Variants in NNMT observed in about 807,000 individuals in gnomAD.
The protein encoded by NNMT is nicotinamide N-methyltransferase.
In NNMT, 10 loss-of-function variants were observed where a neutral mutation model predicts 11.7. That is an observed-to-expected ratio of 0.85 (90% CI 0.53 to 1.45). The LOEUF is 1.45. NNMT is among the 40% of genes most tolerant of loss of function. NNMT has a pLI of 0.00. For synonymous variants in NNMT, 143 were observed against 133.8 expected (o/e 1.07, Z -0.48); for missense variants, 381 against 319.4 (o/e 1.19, Z -1.47).
upstream of NNMT, among the ~76,000 whole-genome samples, chr11:114,295,367 C>T (rs1945365401): frequency 6.6e-6 from 1 of 151,816 alleles, no homozygotes; most frequent in Non-Finnish European, 1.5e-5. Flanking sequence ...GAAGCCAAGC[C>T]CCATCCCTAC....
At position 114,312,140 on chromosome 11, in the gene NNMT, C is replaced by G; in HGVS notation, c.458C>G (p.Pro153Arg). 3 of 1,614,032 alleles carry G rather than the reference C, an allele frequency of 1.9e-6. No individual in the cohort carries two copies. Among genetic ancestry groups the G allele is most frequent in the Admixed American group, 3.3e-5 (2 of 60,006 alleles). The part of the protein sequence containing the change: ...VTQSQPLGAV[P>R]LPPADCVLST... ...CAGAGCCAGCCACTGGGGGCCGTCC[C>G]CTTACCCCCGGCTGACTGCGTGCTC... The change falls in exon 3 of 3, where the codon CCC (proline) becomes CGC (arginine). Residue 153 changes from proline to arginine, a missense_variant. Physicochemically the swap from Pro to Arg is moderately radical, Grantham distance 103. Transcript: ENST00000299964.
chr11:114,311,341 C>T (rs901759942), intron 2 of NNMT, among the ~76,000 whole-genome samples: 1 of 152,118 alleles, frequency 6.6e-6, no homozygotes, highest in Admixed American at 6.5e-5. Flanking sequence ...AGAAACAAAA[C>T]AAAACAAAAA....
At chr11:114,280,353 G>A (rs746951644) in intron 2 of NNMT, among the ~76,000 whole-genome samples, 6 of 152,126 alleles carry the variant, frequency 3.9e-5, no homozygotes, top group Non-Finnish European at 8.8e-5. Context: ...AGATGGTGGT[G>A]TGTGAGCCGG....
At chr11:114,267,583 G>A (rs1246563763) in intron 2 of NNMT, among the ~76,000 whole-genome samples, 7 of 152,160 alleles carry the variant, frequency 4.6e-5, no homozygotes, top group African/African-American at 1.7e-4. Flanking sequence ...CATAAAAATA[G>A]AATAATATGA....
rs575690922 is a variant in NNMT at position 114,282,896 on chromosome 11, C to T, written c.-129-13532C>T. Among the ~76,000 whole-genome samples the T allele has an allele frequency of 2.6e-5, 4 of 152,342 alleles. No homozygotes were observed. In the East Asian group the frequency reaches 7.7e-4, roughly 29 times the overall value. ...GTTTGAGGTCTGTTACATCACTTAGCTTATCTCACTGATACTGATATGCAT... is the reference window on the plus strand; with the variant it reads ...GTTTGAGGTCTGTTACATCACTTAGTTTATCTCACTGATACTGATATGCAT... On this transcript the variant is annotated intron_variant, in intron 2 of 4. Coordinates refer to the NNMT transcript ENST00000535401.
chr11:114,265,250 A>T (rs895995114), intron 2 of NNMT, among the ~76,000 whole-genome samples: 3 of 152,204 alleles, frequency 2.0e-5, no homozygotes, highest in Admixed American at 1.3e-4. Flanking sequence ...AGAGACAGGG[A>T]CGAAGACCAA....
At chr11:114,298,969 C>A (rs2135273124) in intron 2 of NNMT, among the ~76,000 whole-genome samples, 1 of 152,338 alleles carries the variant, frequency 6.6e-6, no homozygotes, top group East Asian at 1.9e-4. Flanking sequence ...ACCATTCACT[C>A]CTGGAGCAAC....
intron 2 of NNMT, among the ~76,000 whole-genome samples, chr11:114,276,196 G>C (rs1174778418): frequency 6.9e-6 from 1 of 145,416 alleles, no homozygotes; most frequent in African/African-American, 2.6e-5. Flanking sequence ...TGCAAGCAGA[G>C]GCTTTGAGAC....
At chr11:114,288,868 A>G (rs916845804) in intron 2 of NNMT, among the ~76,000 whole-genome samples, 1 of 152,156 alleles carries the variant, frequency 6.6e-6, no homozygotes, top group Non-Finnish European at 1.5e-5. Flanking sequence ...ACTCATGCTC[A>G]TGGGTGATTT....
intron 2 of NNMT, among the ~76,000 whole-genome samples, chr11:114,309,622 T>C (rs1448650903): frequency 1.3e-5 from 2 of 152,176 alleles, no homozygotes; most frequent in Non-Finnish European, 2.9e-5. Flanking sequence ...CTTATTGAGA[T>C]AAAACTCACA....
chr11:114,276,983 A>G (rs1163374240), intron 2 of NNMT, among the ~76,000 whole-genome samples: 1 of 152,120 alleles, frequency 6.6e-6, no homozygotes, highest in African/African-American at 2.4e-5. Context: ...CAACACTTTG[A>G]GAGGCTGAGG....
At chr11:114,300,527 A>G (rs977187512) in intron 2 of NNMT, among the ~76,000 whole-genome samples, 1 of 152,198 alleles carries the variant, frequency 6.6e-6, no homozygotes. Context: ...ATAAATATCA[A>G]TTAAGTCAGG....
chr11:114,258,358 C>T (rs959171161), intron 1 of NNMT, among the ~76,000 whole-genome samples: 7 of 152,246 alleles, frequency 4.6e-5, no homozygotes, highest in African/African-American at 1.7e-4. Flanking sequence ...CCTCTCCTGA[C>T]CAAAGTGGAG....
At chr11:114,268,143 C>T (rs112923034) in intron 2 of NNMT, among the ~76,000 whole-genome samples, 9 of 152,288 alleles carry the variant, frequency 5.9e-5, no homozygotes, top group African/African-American at 1.9e-4. Flanking sequence ...ATCTGGTTAA[C>T]CCAGCTTTAG....
rs900456309 is a variant in NNMT, at chr11:114,289,060, G to T, written c.-129-7368G>T. Among the ~76,000 whole-genome samples the T allele has an allele frequency of 4.6e-5, 7 of 152,248 alleles. No homozygotes were observed. The South Asian group carries it at 1.5e-3, about 32-fold the overall frequency. ...TAAAGCCATCTGCTCTGAAGATTTT[G>T]TATGAAACTAATTTTCCATTTAAAT... On this transcript the variant is annotated intron_variant, in intron 2 of 4. Transcript: ENST00000535401.
intron 1 of NNMT, 48 bp from the exon 2 acceptor site, chr11:114,297,903 T>C: frequency 6.5e-7 from 1 of 1,534,400 alleles, no homozygotes; most frequent in Non-Finnish European, 9.0e-7. Flanking sequence ...CTCTGCCCAC[T>C]GCCATGAGAT....
At chr11:114,312,008 G>A in intron 2 of NNMT, 37 bp from the exon 3 acceptor site, 27 of 1,525,764 alleles carry the variant, frequency 1.8e-5, no homozygotes, top group Non-Finnish European at 2.4e-5. Context: ...CCCATGACTG[G>A]AGTGGAAAAC....
chr11:114,296,139 G>T (rs1176019615), upstream of NNMT: 1 of 156,804 alleles, frequency 6.4e-6, no homozygotes, highest in African/African-American at 2.4e-5. Flanking sequence ...AGAACGAGAA[G>T]AATGATGGTG....
chr11:114,286,919 T>C (rs952610133), intron 2 of NNMT, among the ~76,000 whole-genome samples: 2 of 152,158 alleles, frequency 1.3e-5, no homozygotes, highest in African/African-American at 4.8e-5. Flanking sequence ...GTCAAGGCCT[T>C]TGGTGCTGGT....
Sources: allele counts gnomAD v4.1 joint callset (sites outside exome capture counted in the v4.1 genomes callset), GRCh38; gene constraint gnomAD v4.1.1; transcripts MANE v1.5; gene names NCBI Gene and HGNC (gene_info 2026-07-23, HGNC 2026-07-21).